LAMA2: variants seen among roughly 807,000 people sequenced by gnomAD.
LAMA2 encodes the protein laminin subunit alpha 2.
LAMA2 carries 269 observed loss-of-function variants against 364.8 expected under a neutral mutation model. The ratio of observed to expected loss-of-function variants is 0.74; its 90% CI spans 0.67 to 0.82. LAMA2 has a LOEUF of 0.82. LAMA2 is among the 40% of genes least tolerant of loss of function. LAMA2 has a pLI of 0.00. For missense variants in LAMA2, 3,807 were observed against 3,873.2 expected (o/e 0.98, Z 0.45); for synonymous variants, 1,379 against 1,370.6 (o/e 1.01, Z -0.14).
intron 37 of LAMA2, among the ~76,000 whole-genome samples, chr6:129,397,571 G>T (rs1331898959): frequency 6.6e-6 from 1 of 151,952 alleles, no homozygotes; most frequent in Non-Finnish European, 1.5e-5. Context: ...ATATTTGTGA[G>T]CTCCAAATTT....
chr6:128,942,974 C>G (rs1396575513), intron 1 of LAMA2, among the ~76,000 whole-genome samples: 9 of 152,180 alleles, frequency 5.9e-5, no homozygotes, highest in Non-Finnish European at 1.3e-4. Context: ...CAGATGTCCT[C>G]TATAAGACTT....
intron 12 of LAMA2, among the ~76,000 whole-genome samples, chr6:129,225,244 C>T (rs1281715444): frequency 2.0e-5 from 3 of 152,080 alleles, no homozygotes. Flanking sequence ...ATTAGTCTTG[C>T]TAGCAGTCTA....
At chr6:129,099,108 G>T (rs1185217641) in intron 4 of LAMA2, among the ~76,000 whole-genome samples, 2 of 142,184 alleles carry the variant, frequency 1.4e-5, no homozygotes, top group African/African-American at 5.1e-5. Context: ...ATGTGGGGGC[G>T]GGGAGGTTTT....
At chr6:128,946,558 G>A (rs770250342) in intron 1 of LAMA2, among the ~76,000 whole-genome samples, 7 of 152,174 alleles carry the variant, frequency 4.6e-5, no homozygotes, top group Admixed American at 6.5e-5. Flanking sequence ...TCACAAAATC[G>A]AAAAATACGA....
chr6:129,226,399 G>A (rs1381066640), intron 12 of LAMA2, among the ~76,000 whole-genome samples: 5 of 152,138 alleles, frequency 3.3e-5, no homozygotes, highest in South Asian at 2.1e-4. Flanking sequence ...TATTTTGCTC[G>A]TTAGTTGTTT....
intron 1 of LAMA2, among the ~76,000 whole-genome samples, chr6:128,986,042 G>A (rs912426501): frequency 6.6e-6 from 1 of 152,010 alleles, no homozygotes; most frequent in Non-Finnish European, 1.5e-5. Flanking sequence ...AAATGAGTTG[G>A]TTTACTAGTA....
chr6:129,252,549 G>T (rs1024710154), intron 14 of LAMA2, among the ~76,000 whole-genome samples: 1 of 152,040 alleles, frequency 6.6e-6, no homozygotes, highest in Non-Finnish European at 1.5e-5. Flanking sequence ...GATCAATAAC[G>T]ATTCCTATAT....
At chr6:129,325,073 T>C (rs1456128791) in intron 28 of LAMA2, among the ~76,000 whole-genome samples, 1 of 152,232 alleles carries the variant, frequency 6.6e-6, no homozygotes, top group African/African-American at 2.4e-5. Flanking sequence ...AGGAGCGCAG[T>C]GTGCAGCCCT....
rs182116038 is a variant in LAMA2, at chr6:128,935,422, C to A, written c.112+52065C>A. Among the ~76,000 whole-genome samples, 233 of 152,196 alleles carry A rather than the reference C, an allele frequency of 1.5e-3. 1 individual carries two copies. Among genetic ancestry groups the A allele is most frequent in the African/African-American group, 5.5e-3 (227 of 41,514 alleles). ...ATCTTTTTTATGACTCTGTAGTATT[C>A]CATGGTGTATATGTGCCACATTTTC... On this transcript the variant is annotated intron_variant, in intron 1 of 64. Coordinates refer to ENST00000421865, the MANE Select transcript of LAMA2 (RefSeq NM_000426.4).
intron 3 of LAMA2, among the ~76,000 whole-genome samples, chr6:129,077,041 G>GCACA (rs894543480): frequency 9.2e-5 from 14 of 151,994 alleles, no homozygotes; most frequent in Non-Finnish European, 1.6e-4. Context: ...TCTTCAAAAG[G>GCACA]CACAGTAAAT....
In LAMA2 at chr6:129,149,046, A is replaced by T; in HGVS notation, c.977A>T (p.His326Leu). The change falls in exon 7 of 65, where the codon CAT becomes CTT. Residue 326 changes from histidine to leucine, a missense_variant. This residue lies in a region of LAMA2 where 80 missense variants were observed against 124.0 expected (regional missense o/e 0.65). Coordinates refer to ENST00000421865, the MANE Select transcript of LAMA2 (RefSeq NM_000426.4). Reference sequence around the variant, plus strand: ...TGTGATCAGTGCTGTCCAGGATTCCATCAGAAACCCTGGAGAGCTGGAACT... The same window carrying T: ...TGTGATCAGTGCTGTCCAGGATTCCTTCAGAAACCCTGGAGAGCTGGAACT... Reference protein sequence around the residue: ...DSCDQCCPGFHQKPWRAGTFL... With the variant: ...DSCDQCCPGFLQKPWRAGTFL... 6.2e-7 allele frequency: 1 copy of T among 1,613,306 alleles called. No individual in the cohort carries two copies. Among genetic ancestry groups the T allele is most frequent in the Non-Finnish European group, 8.5e-7 (1 of 1,179,324 alleles).
chr6:129,232,580 A>C (rs888638095), intron 12 of LAMA2, among the ~76,000 whole-genome samples: 2 of 152,108 alleles, frequency 1.3e-5, no homozygotes, highest in African/African-American at 4.8e-5. Context: ...AATGGATTTC[A>C]AATTAAAATT....
At chr6:129,402,796 G>A (rs1039379140) in intron 39 of LAMA2, among the ~76,000 whole-genome samples, 5 of 152,132 alleles carry the variant, frequency 3.3e-5, no homozygotes, top group African/African-American at 9.7e-5. Flanking sequence ...TGCCTTATTA[G>A]CATTTTAAAT....
At position 129,369,922 on chromosome 6, in the gene LAMA2, A is replaced by G; in HGVS notation, c.4891A>G (p.Arg1631Gly). The G allele has an allele frequency of 6.2e-7, 1 of 1,614,072 alleles. No individual in the cohort carries two copies. Among genetic ancestry groups the G allele is most frequent in the East Asian group, 2.2e-5 (1 of 44,872 alleles). ...HLLSPQRAPE[R>G]LIQLAEGNLN... ...GCTGTCACCTCAGCGGGCCCCAGAG[A>G]GGCTTATTCAGCTGGCAGAGGGCAA... The change falls in exon 34 of 65, where the codon AGG becomes GGG. Residue 1631 changes from arginine to glycine, a missense_variant. Arg to Gly is a moderately radical substitution (Grantham distance 125). Coordinates refer to ENST00000421865, the MANE Select transcript of LAMA2 (RefSeq NM_000426.4).
At chr6:129,124,282 A>G (rs1352584187) in intron 4 of LAMA2, among the ~76,000 whole-genome samples, 1 of 152,152 alleles carries the variant, frequency 6.6e-6, no homozygotes, top group Non-Finnish European at 1.5e-5. Context: ...CTTCTCAGGG[A>G]TGTTTGTAAA....
At chr6:129,028,694 T>A (rs1786009905) in intron 1 of LAMA2, among the ~76,000 whole-genome samples, 1 of 151,890 alleles carries the variant, frequency 6.6e-6, no homozygotes, top group Admixed American at 6.6e-5. Flanking sequence ...AACATTTCAT[T>A]CAATAAGTTG....
intron 37 of LAMA2, among the ~76,000 whole-genome samples, chr6:129,400,920 T>C (rs1213308228): frequency 1.3e-5 from 2 of 152,260 alleles, no homozygotes; most frequent in Non-Finnish European, 2.9e-5. Context: ...TATATTTTAG[T>C]TAGAAATGGA....
intron 1 of LAMA2, among the ~76,000 whole-genome samples, chr6:128,911,342 C>G (rs1353699883): frequency 3.3e-5 from 5 of 152,124 alleles, no homozygotes; most frequent in Non-Finnish European, 5.9e-5. Flanking sequence ...TCTCGTGGTT[C>G]GCCGTTTTTT....
intron 12 of LAMA2, among the ~76,000 whole-genome samples, chr6:129,206,106 G>GAGGAAGGAAGGAAGGAAGGA (rs71028149): frequency 1.1e-5 from 1 of 94,572 alleles, no homozygotes; most frequent in Non-Finnish European, 2.1e-5. Context: ...GGGAGGGAGG[G>GAGGAAGGAAGGAAGGAAGGA]AGGAAGGAAG....
Sources: gnomAD v4.1 joint callset for allele counts (sites outside exome capture counted in the v4.1 genomes callset) on GRCh38, gnomAD v4.1.1 for gene constraint, gnomAD v4.1.1 regional missense constraint, MANE v1.5 for transcripts, NCBI Gene and HGNC (gene_info 2026-07-23, HGNC 2026-07-21) for gene names.